Variants in RAD51AP2 observed in about 807,000 individuals in gnomAD.
The protein encoded by RAD51AP2 is RAD51 associated protein 2.
A neutral mutation model predicts 85.5 loss-of-function variants in RAD51AP2; 67 were observed. The observed-to-expected ratio is 0.78, with a 90% confidence interval of 0.64 to 0.96. RAD51AP2 has a LOEUF of 0.96. RAD51AP2 is among the 40% of genes least tolerant of loss of function. RAD51AP2 has a pLI of 0.00. For missense variants in RAD51AP2, 1,307 were observed against 1,332.4 expected (o/e 0.98, Z 0.30); for synonymous variants, 474 against 446.5 (o/e 1.06, Z -0.78).
In RAD51AP2 at chr2:17,518,087, TG is replaced by T. The variant is rs1662750585; in HGVS notation, c.328del (p.Gln110LysfsTer2). 6.2e-7 allele frequency: 1 copy of T among 1,614,106 alleles called. No homozygotes were observed. Among genetic ancestry groups the T allele is most frequent in the Admixed American group, 1.7e-5 (1 of 60,010 alleles). On this transcript the variant is annotated frameshift_variant, in exon 1 of 3. Coordinates refer to ENST00000399080, the MANE Select transcript of RAD51AP2 (RefSeq NM_001099218.3). LOFTEE classifies it high-confidence loss of function. ...GGGAGACTGCAAACAGCTACTCATT[TG>T]GAATTTGAGATTTGAGCATTTCAGA... is the stretch of plus-strand genomic sequence containing the variant. ...CNLKCSNLKFQMSSCLQSPPS... is the reference protein window; with the variant it reads ...CNLKCSNLKFXMSSCLQSPPS...
Position 17,517,868 on chromosome 2 carries a change from C to G in RAD51AP2, c.548G>C (p.Arg183Thr). 6.2e-7 allele frequency: 1 copy of G among 1,614,128 alleles called. No individual in the cohort carries two copies. Among genetic ancestry groups the G allele is most frequent in the Non-Finnish European group, 8.5e-7 (1 of 1,179,980 alleles). ...TGGATTTTCTTTGTGAACATTGTCTCTTCCTTGGACAAACTGTTGTTTTCG... is the reference window on the plus strand; with the variant it reads ...TGGATTTTCTTTGTGAACATTGTCTGTTCCTTGGACAAACTGTTGTTTTCG... ...ENRKQQFVQG[R>T]DNVHKENPFL... Residue 183 changes from arginine (R) to threonine (T), a missense_variant, in exon 1 of 3, where the codon AGA becomes ACA. Transcript: ENST00000399080.
the RAD51AP2 span, among the ~76,000 whole-genome samples, chr2:17,536,923 A>T: frequency 6.6e-6 from 1 of 152,200 alleles, no homozygotes; most frequent in Admixed American, 6.5e-5. Context: ...ATGAGTCAGA[A>T]AAACTGTTGT....
chr2:17,513,330 C>T (rs372170102), intron 2 of RAD51AP2, among the ~76,000 whole-genome samples: 4 of 151,330 alleles, frequency 2.6e-5, no homozygotes, highest in African/African-American at 4.9e-5. Flanking sequence ...CCCCGCCTCC[C>T]GGGTTCACTC....
At position 17,514,042 on chromosome 2, in the gene RAD51AP2, T is replaced by C; in HGVS notation, c.3298A>G (p.Lys1100Glu). Residue 1100 changes from lysine (K) to glutamate (E), a missense_variant, in exon 2 of 3, where the codon AAA becomes GAA. Lys to Glu is a moderately conservative substitution (Grantham distance 56, BLOSUM62 1). This residue lies in a region of RAD51AP2 where 668 missense variants were observed against 671.0 expected (regional missense o/e 1.00). Transcript: ENST00000399080. ...KRPAFLPDEC[K>E]EEFNYLLRGG... is the part of the protein sequence containing the mutation. ...CTCAATAAATAATTAAATTCTTCTT[T>C]ACATTCATCAGGGAGAAAAGCAGGT... is the stretch of plus-strand genomic sequence containing the variant. 6.3e-7 allele frequency: 1 copy of C among 1,583,086 alleles called. No individual in the cohort carries two copies. Among genetic ancestry groups the C allele is most frequent in the Non-Finnish European group, 8.7e-7 (1 of 1,153,474 alleles).
At chr2:17,529,362 T>C in the RAD51AP2 span, among the ~76,000 whole-genome samples, 1 of 151,976 alleles carries the variant, frequency 6.6e-6, no homozygotes, top group Non-Finnish European at 1.5e-5. Context: ...TTATGTATCA[T>C]AGTATGAATT....
Position 17,517,057 on chromosome 2 carries a change from A to T in RAD51AP2, c.1359T>A (p.Asn453Lys). The change falls in exon 1 of 3, where the codon AAT becomes AAA. Residue 453 changes from asparagine (N) to lysine (K), a missense_variant. Around this residue, in one of 3 missense-constraint regions of RAD51AP2, gnomAD observed 635 missense variants for 643.6 expected, o/e 0.99. Transcript: ENST00000399080. ...GAAGCTTTGATTGTTCTTCATATGC[A>T]TTGATGACTTTTGCACAGTGGTAAT... ...KEDYHCAKVI[N>K]AYEEQSKLLV... 2 of 1,612,060 alleles carry T rather than the reference A, an allele frequency of 1.2e-6. No individual in the cohort carries two copies. The highest frequency in any genetic ancestry group is 1.7e-6 in the Non-Finnish European group (2 of 1,179,354).
rs769890816 is a variant in RAD51AP2 at position 17,515,662 on chromosome 2, G to A, written c.2754C>T (p.His918=). Residue 918 remains histidine, a synonymous_variant, in exon 1 of 3, where the codon CAC becomes CAT. Transcript: ENST00000399080. ...TATATAATGCAGAGTCATTCTTTCTGTGAAAATCCTTTGAATTAGCTATCT... is the reference window on the plus strand; with the variant it reads ...TATATAATGCAGAGTCATTCTTTCTATGAAAATCCTTTGAATTAGCTATCT... ...EREIANSKDF[H]RKNDSALYIN... 5 of 1,612,090 alleles carry A rather than the reference G, an allele frequency of 3.1e-6. No homozygotes were observed. Among genetic ancestry groups the A allele is most frequent in the Non-Finnish European group, 4.2e-6 (5 of 1,179,344 alleles).
Position 17,516,701 on chromosome 2 carries a change from A to T in RAD51AP2, c.1715T>A (p.Val572Asp). 6.3e-7 allele frequency: 1 copy of T among 1,576,494 alleles called. No homozygotes were observed. Among genetic ancestry groups the T allele is most frequent in the Non-Finnish European group, 8.6e-7 (1 of 1,159,026 alleles). ...GILSIYLQDS[V>D]SEPLDILLKT... ...CAATAGAATATCTAAAGGTTCTGAA[A>T]CACTATCTTGTAAATATATGCTTAA... Residue 572 changes from valine (V) to aspartate (D), a missense_variant, in exon 1 of 3, where the codon GTT (valine) becomes GAT (aspartate). Val to Asp is a radical substitution (Grantham distance 152, BLOSUM62 -3). Transcript: ENST00000399080.
In RAD51AP2 at chr2:17,515,175, C is replaced by A; in HGVS notation, c.3241G>T (p.Glu1081Ter). Reference protein sequence around the residue: ...SEEELLYSTSEKDCETPLPKR... With the variant: ...SEEELLYSTS ...TCTAAAATGAATTTCATACCTTTCT[C>A]AGAAGTAGAGTAAAGTAATTCTTCC... Residue 1081 changes from glutamate to a stop codon, truncating the protein, a stop_gained, in exon 1 of 3, where the codon GAG (glutamate) becomes TAG (stop). Transcript: ENST00000399080. LOFTEE classifies it high-confidence loss of function. The A allele has an allele frequency of 6.4e-7, 1 of 1,562,054 alleles. No homozygotes were observed. The highest frequency in any genetic ancestry group is 1.2e-5 in the South Asian group (1 of 81,010).
chr2:17,520,831 T>C (rs1297971352), upstream of RAD51AP2, among the ~76,000 whole-genome samples: 1 of 151,912 alleles, frequency 6.6e-6, no homozygotes, highest in Non-Finnish European at 1.5e-5. Flanking sequence ...TTATGTATGT[T>C]CTCAAAGCCC....
Position 17,517,829 on chromosome 2 carries a change from G to A in RAD51AP2, c.587C>T (p.Thr196Ile), listed in dbSNP as rs769029003. 1.5e-5 allele frequency: 25 copies of A among 1,613,964 alleles called. No homozygotes were observed. The East Asian group carries it at 5.3e-4, about 35-fold the overall frequency. ...VHKENPFLDV[T>I]FYKETKSPFH... ...TGGTGATTTAGTTTCCTTGTAAAAG[G>A]TAACATCTAAAAATGGATTTTCTTT... is the stretch of plus-strand genomic sequence containing the variant. Residue 196 changes from threonine to isoleucine, a missense_variant, in exon 1 of 3, where the codon ACC (threonine) becomes ATC (isoleucine). Physicochemically the swap from Thr to Ile is moderately conservative, Grantham distance 89. Around this residue, in one of 3 missense-constraint regions of RAD51AP2, gnomAD observed 635 missense variants for 643.6 expected, o/e 0.99. Coordinates refer to ENST00000399080, the MANE Select transcript of RAD51AP2 (RefSeq NM_001099218.3).
upstream of RAD51AP2, among the ~76,000 whole-genome samples, chr2:17,523,008 C>T (rs768112997): frequency 2.0e-5 from 3 of 151,714 alleles, no homozygotes; most frequent in Non-Finnish European, 4.4e-5. Flanking sequence ...GGAGTAGAGT[C>T]GAATCAAACT....
chr2:17,513,928 A>G, intron 2 of RAD51AP2, 84 bp downstream of exon 2: 4 of 731,338 alleles, frequency 5.5e-6, no homozygotes, highest in African/African-American at 1.8e-5. Flanking sequence ...GAACAACATG[A>G]ATATCTATAC....
At chr2:17,527,050 A>G in the RAD51AP2 span, among the ~76,000 whole-genome samples, 1 of 152,196 alleles carries the variant, frequency 6.6e-6, no homozygotes, top group Admixed American at 6.5e-5. Flanking sequence ...GAATTTTAAG[A>G]AGGCCAGAAA....
At chr2:17,524,644 G>A in the RAD51AP2 span, among the ~76,000 whole-genome samples, 1 of 151,776 alleles carries the variant, frequency 6.6e-6, no homozygotes, top group African/African-American at 2.4e-5. Flanking sequence ...ATAGAGATTA[G>A]TTGTAACATA....
rs1662658529 is a variant in RAD51AP2, at chr2:17,516,193, A to T, written c.2223T>A (p.Phe741Leu). The T allele has an allele frequency of 6.2e-7, 1 of 1,613,230 alleles. No homozygotes were observed. Among genetic ancestry groups the T allele is most frequent in the Non-Finnish European group, 8.5e-7 (1 of 1,179,588 alleles). ...TAATGTATCCTCGGTTGTTCTGTAT[A>T]AATTGAGGACAAGAATTACCATGTG... ...VKAHGNSCPQ[F>L]IQNNRGYINE... Residue 741 changes from phenylalanine (F) to leucine (L), a missense_variant, in exon 1 of 3, where the codon TTT (phenylalanine) becomes TTA (leucine). This residue lies in a region of RAD51AP2 where 668 missense variants were observed against 671.0 expected (regional missense o/e 1.00). Coordinates refer to ENST00000399080, the MANE Select transcript of RAD51AP2 (RefSeq NM_001099218.3).
At chr2:17,535,991 G>T in the RAD51AP2 span, among the ~76,000 whole-genome samples, 343 of 147,798 alleles carry the variant, frequency 2.3e-3, 1 homozygote, top group South Asian at 5.7e-3. Context: ...CCTCCTTCAG[G>T]CAGGATAAAA....
intron 2 of RAD51AP2, 101 bp from the exon 3 acceptor site, chr2:17,511,056 C>T: frequency 1.6e-6 from 1 of 641,038 alleles, no homozygotes; most frequent in Non-Finnish European, 2.5e-6. Flanking sequence ...TGAATATTTA[C>T]TGAGCACTTA....
chr2:17,511,390 A>C (rs1662490810), intron 2 of RAD51AP2, among the ~76,000 whole-genome samples: 1 of 152,034 alleles, frequency 6.6e-6, no homozygotes, highest in African/African-American at 2.4e-5. Context: ...ACACAAATGC[A>C]CTCCATCTAT....
Sources: allele counts gnomAD v4.1 joint callset (sites outside exome capture counted in the v4.1 genomes callset), GRCh38; gene constraint gnomAD v4.1.1; regional missense constraint gnomAD v4.1.1; transcripts MANE v1.5; gene names NCBI Gene and HGNC (gene_info 2026-07-23, HGNC 2026-07-21).